TLL2: variants seen among roughly 807,000 people sequenced by gnomAD.
TLL2 encodes the protein tolloid-like protein 2.
In TLL2, 106 loss-of-function variants were observed where a neutral mutation model predicts 123.0. That is an observed-to-expected ratio of 0.86 (90% CI 0.74 to 1.01). The LOEUF is 1.01. Ranked by LOEUF, TLL2 falls within the 50% of genes least tolerant of loss-of-function variation. The pLI is 0.00. For synonymous variants in TLL2, 494 were observed against 516.8 expected, an observed-to-expected ratio of 0.96 and a Z score of 0.60; for missense variants, 1,332 against 1,336.7, an observed-to-expected ratio of 1.00 and a Z score of 0.06.
chr10:96,409,620 G>A (rs1378308717), intron 9 of TLL2, among the ~76,000 whole-genome samples: 1 of 152,188 alleles, frequency 6.6e-6, no homozygotes, highest in Non-Finnish European at 1.5e-5. Flanking sequence ...TACGTGCCCT[G>A]CAGTAGGGTT....
chr10:96,429,012 C>T (rs1469221118), intron 4 of TLL2, among the ~76,000 whole-genome samples: 1 of 152,116 alleles, frequency 6.6e-6, no homozygotes, highest in African/African-American at 2.4e-5. Flanking sequence ...CCATGTTGGT[C>T]AGGCTAGTCT....
chr10:96,478,389 C>T (rs893688108), intron 2 of TLL2, among the ~76,000 whole-genome samples: 5 of 152,206 alleles, frequency 3.3e-5, no homozygotes, highest in African/African-American at 4.8e-5. Context: ...CCACTTAGAG[C>T]GTAAAGTGGT....
intron 1 of TLL2, among the ~76,000 whole-genome samples, chr10:96,494,643 G>A (rs535052118): frequency 6.6e-6 from 1 of 152,346 alleles, no homozygotes; most frequent in South Asian, 2.1e-4. Flanking sequence ...ATATTCTGCA[G>A]TGGCTCTGTA....
chr10:96,379,108 A>G lies in TLL2; in HGVS notation c.2195-16T>C, dbSNP rs1307971925. 2 of 1,611,794 alleles carry G rather than the reference A, an allele frequency of 1.2e-6. No individual in the cohort carries two copies. Among genetic ancestry groups the G allele is most frequent in the African/African-American group, 2.7e-5 (2 of 74,882 alleles). ...TCGTCCTTATCTGGGGAGATCAATGAACTCTTCTAAGAGGAACCGCCAACT... is the reference window on the plus strand; with the variant it reads ...TCGTCCTTATCTGGGGAGATCAATGGACTCTTCTAAGAGGAACCGCCAACT... On this transcript the variant is annotated splice_polypyrimidine_tract_variant and intron_variant, in intron 16 of 20. Transcript: ENST00000357947.
At position 96,513,762 on chromosome 10, in the gene TLL2, G is replaced by A; in HGVS notation, c.-77C>T. 7.2e-7 allele frequency: 1 copy of A among 1,387,726 alleles called. No homozygotes were observed. The highest frequency in any genetic ancestry group is 9.4e-7 in the Non-Finnish European group (1 of 1,063,204). 86.0% of individuals were successfully genotyped at this position (1,387,726 alleles called of 1,614,324 possible). A position where few individuals can be genotyped will look rare whatever the true frequency, so the allele number is the denominator to read the frequency against. ...CTCGGCCGAAAGACGGCGCACACTG[G>A]GTCGGTCGGCTCCGGCCGGGACTCG... is the stretch of plus-strand genomic sequence containing the variant. On this transcript the variant is annotated 5_prime_UTR_variant, in exon 1 of 21. Coordinates refer to ENST00000357947, the MANE Select transcript of TLL2 (RefSeq NM_012465.4).
chr10:96,460,491 G>A (rs755087343), intron 2 of TLL2, among the ~76,000 whole-genome samples: 4 of 152,142 alleles, frequency 2.6e-5, no homozygotes, highest in South Asian at 2.1e-4. Flanking sequence ...TGTAATGTCC[G>A]GTGTTGGAGG....
At chr10:96,453,237 C>T (rs1002841805) in intron 2 of TLL2, among the ~76,000 whole-genome samples, 2 of 152,072 alleles carry the variant, frequency 1.3e-5, no homozygotes, top group Non-Finnish European at 2.9e-5. Flanking sequence ...GGGCGGATCA[C>T]GTGAGGTCAG....
rs180711014 is a variant in TLL2, at chr10:96,454,180, C to T, written c.287-8012G>A. ...GAAAGAAAAAATTCCGAGTCCTCACCTTGGCAAGATGGAGGAAAGAAAAGC... is the reference window on the plus strand; with the variant it reads ...GAAAGAAAAAATTCCGAGTCCTCACTTTGGCAAGATGGAGGAAAGAAAAGC... On this transcript the variant is annotated intron_variant, in intron 2 of 20. Transcript: ENST00000357947. 2.8e-4 allele frequency among the ~76,000 whole-genome samples: 43 copies of T among 152,238 alleles called. No homozygotes were observed. The East Asian group carries it at 8.1e-3, about 29-fold the overall frequency.
intron 1 of TLL2, among the ~76,000 whole-genome samples, chr10:96,497,324 T>C (rs1847487372): frequency 6.6e-6 from 1 of 151,958 alleles, no homozygotes; most frequent in Non-Finnish European, 1.5e-5. Flanking sequence ...AACAAAAAAA[T>C]ACAGATACTA....
intron 3 of TLL2, among the ~76,000 whole-genome samples, chr10:96,440,081 C>G (rs1231755720): frequency 2.0e-5 from 3 of 152,196 alleles, no homozygotes; most frequent in Non-Finnish European, 2.9e-5. Context: ...ATCTCTCTCC[C>G]CCTTCACATT....
chr10:96,451,877 G>C (rs780332942), intron 2 of TLL2, among the ~76,000 whole-genome samples: 4 of 152,110 alleles, frequency 2.6e-5, no homozygotes, highest in Non-Finnish European at 4.4e-5. Flanking sequence ...CTTGCAGGAC[G>C]GCAGCCTTAG....
At chr10:96,441,377 G>T (rs1750314183) in intron 3 of TLL2, among the ~76,000 whole-genome samples, 1 of 152,204 alleles carries the variant, frequency 6.6e-6, no homozygotes, top group Non-Finnish European at 1.5e-5. Context: ...TCTGCACAGT[G>T]GTTCTCAAAC....
intron 9 of TLL2, among the ~76,000 whole-genome samples, chr10:96,407,667 T>C (rs3827866): frequency 0.26 from 39,495 of 152,184 alleles, 5,737 homozygotes; most frequent in Middle Eastern, 0.37. Context: ...TGATTAGTGT[T>C]GAGTGCCCAT....
chr10:96,388,462 G>C (rs530970880), intron 13 of TLL2, among the ~76,000 whole-genome samples: 1 of 152,166 alleles, frequency 6.6e-6, no homozygotes. Context: ...CAAACTAAAA[G>C]AAATTAAGAA....
At chr10:96,450,968 G>A (rs531052621) in intron 2 of TLL2, among the ~76,000 whole-genome samples, 6 of 152,194 alleles carry the variant, frequency 3.9e-5, no homozygotes, top group African/African-American at 1.2e-4. Context: ...TTATTCAGAC[G>A]TCTCCTTTGC....
intron 3 of TLL2, among the ~76,000 whole-genome samples, chr10:96,443,185 C>T (rs897052115): frequency 1.3e-5 from 2 of 152,164 alleles, no homozygotes; most frequent in African/African-American, 4.8e-5. Flanking sequence ...TCCCCTTATC[C>T]CTGTGAGGTC....
At chr10:96,507,600 A>T (rs1287040177) in intron 1 of TLL2, among the ~76,000 whole-genome samples, 2 of 152,226 alleles carry the variant, frequency 1.3e-5, no homozygotes, top group African/African-American at 4.8e-5. Context: ...TGTGCCAGAT[A>T]CTGTGCTCAG....
chr10:96,463,446 C>A (rs1255085032), intron 2 of TLL2, among the ~76,000 whole-genome samples: 1 of 152,212 alleles, frequency 6.6e-6, no homozygotes, highest in African/African-American at 2.4e-5. Context: ...GTTCTCCCAG[C>A]ATGATGGACC....
intron 1 of TLL2, among the ~76,000 whole-genome samples, chr10:96,504,675 G>C (rs1339257310): frequency 6.6e-6 from 1 of 152,116 alleles, no homozygotes; most frequent in Non-Finnish European, 1.5e-5. Flanking sequence ...AAAATCACCA[G>C]GCTTTGAGTA....
Sources: allele counts gnomAD v4.1 joint callset (sites outside exome capture counted in the v4.1 genomes callset), GRCh38; gene constraint gnomAD v4.1.1; transcripts MANE v1.5; gene names NCBI Gene and HGNC (gene_info 2026-07-23, HGNC 2026-07-21).